The following TBC1D17 variants were observed in gnomAD, a reference collection of about 807,000 sequenced individuals.
TBC1D17 encodes the protein TBC1 domain family, member 17.
In TBC1D17, 69 loss-of-function variants were observed where a neutral mutation model predicts 78.8. The ratio of observed to expected loss-of-function variants is 0.88; its 90% confidence interval spans 0.72 to 1.07. TBC1D17 has a LOEUF of 1.07. Ranked by LOEUF, TBC1D17 falls within the 50% of genes least tolerant of loss-of-function variation. The pLI is 0.00. For missense variants in TBC1D17, 957 were observed against 861.0 expected (o/e 1.11, Z -1.39); for synonymous variants, 456 against 358.3 (o/e 1.27, Z -3.08).
In TBC1D17 at chr19:49,888,704, G is replaced by T; in HGVS notation, c.*80G>T. The T allele has an allele frequency of 1.6e-6, 2 of 1,283,450 alleles. No individual in the cohort carries two copies. Among genetic ancestry groups the T allele is most frequent in the Non-Finnish European group, 2.1e-6 (2 of 954,058 alleles). The allele number at this position is 1,283,450 out of a possible 1,614,324, so 79.5% of individuals were successfully genotyped here. A position where few individuals can be genotyped will look rare whatever the true frequency, so the allele number is the denominator to read the frequency against. On this transcript the variant is annotated 3_prime_UTR_variant, in exon 17 of 17. Transcript: ENST00000221543. ...TGCGAGGGGGCAGGTGTGCTCCGCC[G>T]CCCTGCTGATAAGCTGGCTTCATTA...
intron 15 of TBC1D17, 173 bp from the exon 16 acceptor site, chr19:49,888,058 C>T (rs889050244): frequency 3.5e-6 from 4 of 1,149,484 alleles, no homozygotes; most frequent in South Asian, 3.0e-5. Flanking sequence ...TCCCCGAGTA[C>T]GTGCTCAGAA....
Position 49,882,769 on chromosome 19 carries a change from G to A in TBC1D17, c.804G>A (p.Glu268=), listed in dbSNP as rs138849941. ...EPGFEVISCV[E]LGPRPTVERG... Reference sequence around the variant, plus strand: ...CATTTGCTCTTTGCCTGCAGGTGGAGCTGGGGCCTCGGCCAACCGTGGAGC... The same window carrying A: ...CATTTGCTCTTTGCCTGCAGGTGGAACTGGGGCCTCGGCCAACCGTGGAGC... The change falls in exon 8 of 17, where the codon GAG becomes GAA. Residue 268 remains glutamate (E), a synonymous_variant. Coordinates refer to ENST00000221543, the MANE Select transcript of TBC1D17 (RefSeq NM_024682.3). 4.1e-5 allele frequency: 64 copies of A among 1,571,030 alleles called. No individual in the cohort carries two copies. The African/African-American group carries it at 6.7e-4, about 16-fold the overall frequency.
At chr19:49,883,793 A>G (rs1024575215) in intron 10 of TBC1D17, 48 bp downstream of exon 10, 3 of 1,527,550 alleles carry the variant, frequency 2.0e-6, no homozygotes, top group African/African-American at 1.4e-5. Context: ...AGGGAACCAC[A>G]GGAGGGCCTC....
chr19:49,880,214 G>T, intron 3 of TBC1D17, 65 bp from the exon 4 acceptor site: 2 of 1,583,606 alleles, frequency 1.3e-6, no homozygotes, highest in Non-Finnish European at 1.7e-6. Flanking sequence ...CTATCTTCCA[G>T]GGTAGCCTCG....
chr19:49,887,846 G>GCCCCGC lies in TBC1D17; in HGVS notation c.1659+21_1659+26dup. 6.3e-7 allele frequency: 1 copy of GCCCCGC among 1,596,788 alleles called. No homozygotes were observed. The highest frequency in any genetic ancestry group is 8.5e-7 in the Non-Finnish European group (1 of 1,171,386). On this transcript the variant is annotated intron_variant, in intron 15 of 16. Coordinates refer to ENST00000221543, the MANE Select transcript of TBC1D17 (RefSeq NM_024682.3). Reference sequence around the variant, plus strand: ...ATGAGATCCTCAAGGTGAGGCTCCGGCCCCGCCCCCGCCCTGTCCCCCCTG... The same window carrying GCCCCGC: ...ATGAGATCCTCAAGGTGAGGCTCCGGCCCCGCCCCCGCCCCCGCCCTGTCCCCCCTG...
chr19:49,881,277 C>T lies in TBC1D17; in HGVS notation c.329C>T (p.Pro110Leu), dbSNP rs1341304148. Residue 110 changes from proline (P) to leucine (L), a missense_variant, in exon 5 of 17, where the codon CCC (proline) becomes CTC (leucine). Transcript: ENST00000221543. ...CHSEPTRGAE[P>L]SCPQGSWAFS... is the part of the protein sequence containing the mutation. ...AGTGCCGTCTCCCTAGGTGCAGAGC[C>T]CAGCTGCCCCCAGGGCTCCTGGGCC... 6.2e-6 allele frequency: 10 copies of T among 1,612,826 alleles called. No individual in the cohort carries two copies. The highest frequency in any genetic ancestry group is 8.5e-6 in the Non-Finnish European group (10 of 1,179,780).
chr19:49,887,902 C>T (rs993236632), intron 15 of TBC1D17, 68 bp downstream of exon 15: 2 of 1,311,468 alleles, frequency 1.5e-6, no homozygotes, highest in East Asian at 2.4e-5. Context: ...CGCAGTACCT[C>T]CGGGGAGCAG....
chr19:49,888,550 A>ACGGACACAGCCCCGCAGCC lies in TBC1D17; in HGVS notation c.1876_1894dup (p.Asp632GlyfsTer54), dbSNP rs1568680285. 1 of 1,052,132 alleles carries ACGGACACAGCCCCGCAGCC rather than the reference A, an allele frequency of 9.5e-7. No individual in the cohort carries two copies. Among genetic ancestry groups the ACGGACACAGCCCCGCAGCC allele is most frequent in the Admixed American group, 3.4e-5 (1 of 29,254 alleles). The allele number at this position is 1,052,132 out of a possible 1,614,324, so 65.2% of individuals were successfully genotyped here. A position where few individuals can be genotyped will look rare whatever the true frequency, so the allele number is the denominator to read the frequency against. On this transcript the variant is annotated frameshift_variant, in exon 17 of 17. Coordinates refer to ENST00000221543, the MANE Select transcript of TBC1D17 (RefSeq NM_024682.3). LOFTEE classifies it high-confidence loss of function. ...GGCCCCGCCCACCCCGCCGCCCTCCACGGACACAGCCCCGCAGCCCGACAG... is the reference window on the plus strand; with the variant it reads ...GGCCCCGCCCACCCCGCCGCCCTCCACGGACACAGCCCCGCAGCCCGGACACAGCCCCGCAGCCCGACAG...
intron 1 of TBC1D17, 104 bp from the exon 2 acceptor site, chr19:49,878,039 G>T: frequency 2.0e-6 from 2 of 981,366 alleles, no homozygotes; most frequent in Non-Finnish European, 3.0e-6. Context: ...GGCCCTCCCG[G>T]CCCCGCCCCC....
intron 13 of TBC1D17, among the ~76,000 whole-genome samples, chr19:49,886,180 TGA>T: frequency 1.3e-5 from 2 of 151,866 alleles, no homozygotes; most frequent in Admixed American, 1.3e-4. Context: ...CTCAGGAGGC[TGA>T]GACAGGAGAA....
In TBC1D17 at chr19:49,882,142, A is replaced by C. The variant is rs765018848; in HGVS notation, c.629A>C (p.Asn210Thr). The change falls in exon 6 of 17, where the codon AAT (asparagine) becomes ACT (threonine). Residue 210 changes from asparagine to threonine, a missense_variant. Transcript: ENST00000221543. ...CAGCTCTTTGACCAGGACAGCTCCAATGTGGTGTCAGTGAGTGTCCCCAGC... is the reference window on the plus strand; with the variant it reads ...CAGCTCTTTGACCAGGACAGCTCCACTGTGGTGTCAGTGAGTGTCCCCAGC... ...HLQLFDQDSS[N>T]VVSRFLQDPY... 3.7e-6 allele frequency: 6 copies of C among 1,613,932 alleles called. No homozygotes were observed. Among genetic ancestry groups the C allele is most frequent in the Non-Finnish European group, 5.1e-6 (6 of 1,179,940 alleles).
intron 13 of TBC1D17, 57 bp from the exon 14 acceptor site, chr19:49,887,419 T>G: frequency 6.4e-7 from 1 of 1,554,686 alleles, no homozygotes; most frequent in Non-Finnish European, 8.8e-7. Flanking sequence ...GGATGACTTC[T>G]CAAACTCTCA....
rs554733090 is a variant in TBC1D17 at position 49,877,962 on chromosome 19, C to T, written c.22-181C>T. 2.5e-5 allele frequency: 18 copies of T among 721,792 alleles called. No homozygotes were observed. In the South Asian group the frequency reaches 3.0e-4, roughly 12 times the overall value. The allele number at this position is 721,792 out of a possible 1,614,324, so 44.7% of individuals were successfully genotyped here. A position where few individuals can be genotyped will look rare whatever the true frequency, so the allele number is the denominator to read the frequency against. ...CAGGCGACTCCTTGAGCCCTGCCCC[C>T]TGTGGAACGCACGTCAGCATCCGAA... On this transcript the variant is annotated intron_variant, in intron 1 of 16. Coordinates refer to ENST00000221543, the MANE Select transcript of TBC1D17 (RefSeq NM_024682.3).
rs781498902 is a variant in TBC1D17, at chr19:49,884,295, A to G, written c.1169A>G (p.Glu390Gly). Residue 390 changes from glutamate (E) to glycine (G), a missense_variant, in exon 11 of 17, where the codon GAG (glutamate) becomes GGG (glycine). Physicochemically the swap from Glu to Gly is moderately conservative, Grantham distance 98. Transcript: ENST00000221543. ...SRTDRTNKFY[E>G]GPENPGLGLL... ...ACTGACAGGACCAACAAGTTCTACG[A>G]GGGTCCCGAGAACCCGGGGCTGGGC... 9 of 1,613,892 alleles carry G rather than the reference A, an allele frequency of 5.6e-6. 1 individual carries two copies. Among genetic ancestry groups the G allele is most frequent in the Admixed American group, 1.7e-5 (1 of 60,008 alleles).
chr19:49,881,489 C>CA lies in TBC1D17; in HGVS notation c.527+15dup, dbSNP rs1473725151. On this transcript the variant is annotated intron_variant, in intron 5 of 16. Coordinates refer to ENST00000221543, the MANE Select transcript of TBC1D17 (RefSeq NM_024682.3). ...GCTGTTGGCCAGGTGAGCTCTCTCC[C>CA]AGTGCTGGGCCTTAAACCGGGCCCA... 2.5e-6 allele frequency: 4 copies of CA among 1,604,204 alleles called. No individual in the cohort carries two copies. Among genetic ancestry groups the CA allele is most frequent in the Non-Finnish European group, 3.4e-6 (4 of 1,178,414 alleles).
At chr19:49,886,992 A>G (rs555333644) in intron 13 of TBC1D17, 1 of 179,884 alleles carries the variant, frequency 5.6e-6, no homozygotes, top group South Asian at 1.1e-4. Context: ...ATGGGGTTTC[A>G]CCACGTTGGC....
chr19:49,884,134 A>C, intron 10 of TBC1D17, 119 bp from the exon 11 acceptor site: 2 of 912,902 alleles, frequency 2.2e-6, no homozygotes, highest in East Asian at 4.8e-5. Flanking sequence ...TCTCCCCCAG[A>C]GCAAACCCCG....
chr19:49,878,457 T>C, intron 2 of TBC1D17, 41 bp from the exon 3 acceptor site: 7 of 1,574,380 alleles, frequency 4.4e-6, no homozygotes, highest in Admixed American at 1.7e-5. Flanking sequence ...GGGAATGTGG[T>C]TTGGGGAGCG....
intron 5 of TBC1D17, 75 bp downstream of exon 5, chr19:49,881,550 G>C: frequency 7.0e-7 from 1 of 1,421,032 alleles, no homozygotes; most frequent in Non-Finnish European, 9.6e-7. Context: ...CCTCGGGGCT[G>C]TGAAAGAAAC....
Sources: gnomAD v4.1 joint callset for allele counts (sites outside exome capture counted in the v4.1 genomes callset) on GRCh38, gnomAD v4.1.1 for gene constraint, MANE v1.5 for transcripts, NCBI Gene and HGNC (gene_info 2026-07-23, HGNC 2026-07-21) for gene names.